TRIB2: variants seen among roughly 807,000 people sequenced by gnomAD.
TRIB2 encodes the protein tribbles homolog 2.
In TRIB2, 2 loss-of-function variants were observed where a neutral mutation model predicts 26.8. That is an observed-to-expected ratio of 0.07 (90% confidence interval 0.03 to 0.24). The LOEUF (loss-of-function observed/expected upper bound fraction) is 0.24, where lower values mean the gene tolerates loss of function less well. Among genes scored for constraint, TRIB2 ranks in the 10% least tolerant of loss-of-function variants. The pLI is 1.00. For synonymous variants in TRIB2, 189 were observed against 187.3 expected (o/e 1.01, Z -0.08); for missense variants, 306 against 449.0 (o/e 0.68, Z 2.88).
chr2:12,739,856 C>A (rs934483171), intron 2 of TRIB2, among the ~76,000 whole-genome samples: 1 of 152,132 alleles, frequency 6.6e-6, no homozygotes, highest in Non-Finnish European at 1.5e-5. Context: ...GGTGAAAGGT[C>A]TTTGTGGACT....
rs1572475764 is a variant in TRIB2, at chr2:12,717,723, G to A, written c.-585G>A. Reference sequence around the variant, plus strand: ...CCTCTCCCGCACCCCCCCCTTACACGCCCCCCACCCTTTCCACCAAAAAAA... The same window carrying A: ...CCTCTCCCGCACCCCCCCCTTACACACCCCCCACCCTTTCCACCAAAAAAA... On this transcript the variant is annotated 5_prime_UTR_variant, in exon 1 of 3. Coordinates refer to ENST00000155926, the MANE Select transcript of TRIB2 (RefSeq NM_021643.4). The surrounding 1 kb of genome is among the most constrained non-coding windows in gnomAD (Gnocchi z 4.8). The A allele has an allele frequency of 2.9e-6, 1 of 346,226 alleles. No homozygotes were observed. The highest frequency in any genetic ancestry group is 2.5e-5 in the African/African-American group (1 of 39,748). The allele number at this position is 346,226 out of a possible 1,614,324, so 21.4% of individuals were successfully genotyped here. A position where few individuals can be genotyped will look rare whatever the true frequency, so the allele number is the denominator to read the frequency against.
chr2:12,734,618 G>C (rs1236488807), intron 2 of TRIB2, among the ~76,000 whole-genome samples: 1 of 152,090 alleles, frequency 6.6e-6, no homozygotes, highest in African/African-American at 2.4e-5. Context: ...ACCATGCTAG[G>C]CTCCTCGGTA....
At chr2:12,719,798 C>T (rs973584735) in intron 1 of TRIB2, among the ~76,000 whole-genome samples, 2 of 152,082 alleles carry the variant, frequency 1.3e-5, no homozygotes, top group South Asian at 4.2e-4. Context: ...TTCAGTTCAG[C>T]CCTTAGGGGG....
At chr2:12,725,317 G>T (rs138272133) in intron 2 of TRIB2, among the ~76,000 whole-genome samples, 12 of 152,374 alleles carry the variant, frequency 7.9e-5, no homozygotes, top group African/African-American at 1.7e-4. Flanking sequence ...GAGTAGAGCA[G>T]GGTGGAGGTC....
intron 2 of TRIB2, among the ~76,000 whole-genome samples, chr2:12,731,817 T>G (rs1349501852): frequency 6.6e-6 from 1 of 152,128 alleles, no homozygotes; most frequent in Non-Finnish European, 1.5e-5. Flanking sequence ...ACCCCACACC[T>G]GGAACAAGAC....
At chr2:12,730,310 C>A (rs1272081940) in intron 2 of TRIB2, among the ~76,000 whole-genome samples, 1 of 152,216 alleles carries the variant, frequency 6.6e-6, no homozygotes, top group Non-Finnish European at 1.5e-5. Flanking sequence ...TAATGGCCAA[C>A]CAGTGGCAGA....
At chr2:12,723,831 G>A (rs537979249) in intron 2 of TRIB2, among the ~76,000 whole-genome samples, 5 of 152,324 alleles carry the variant, frequency 3.3e-5, no homozygotes, top group Non-Finnish European at 7.3e-5. Context: ...TTCCGAAGGT[G>A]GCTGCAAACC....
rs769913210 is a variant in TRIB2, at chr2:12,724,721, C to T, written c.563+1169C>T. ...GATTGGTCCTTCGTCTGTTTCCACC[C>T]TCCCCCTACCAGCCTCATATTTCTC... On this transcript the variant is annotated intron_variant, in intron 2 of 2. Transcript: ENST00000155926. The T allele has an allele frequency of 4.3e-6, 7 of 1,612,744 alleles. No homozygotes were observed. In the Admixed American group the frequency reaches 1.0e-4, roughly 23 times the overall value.
intron 2 of TRIB2, among the ~76,000 whole-genome samples, chr2:12,728,647 G>A (rs1334808880): frequency 6.6e-6 from 1 of 152,140 alleles, no homozygotes; most frequent in Non-Finnish European, 1.5e-5. Flanking sequence ...GACGTGACAG[G>A]TTTCATTTCC....
In TRIB2 at chr2:12,740,850, G is replaced by A. The variant is rs1246469465; in HGVS notation, c.*56G>A. 1 of 1,508,564 alleles carries A rather than the reference G, an allele frequency of 6.6e-7. No homozygotes were observed. Among genetic ancestry groups the A allele is most frequent in the Middle Eastern group, 1.8e-4 (1 of 5,634 alleles). 93.4% of individuals were successfully genotyped at this position (1,508,564 alleles called of 1,614,324 possible). A position where few individuals can be genotyped will look rare whatever the true frequency, so the allele number is the denominator to read the frequency against. On this transcript the variant is annotated 3_prime_UTR_variant, in exon 3 of 3. Coordinates refer to ENST00000155926, the MANE Select transcript of TRIB2 (RefSeq NM_021643.4). This position sits in a 1 kb window ranked among gnomAD's most constrained non-coding sequence, Gnocchi z 5.8. The stretch of plus-strand genomic sequence containing the variant: ...CAGGAGTGAGCGAGGGCAGCGGAAA[G>A]GAGTTCTTCCGGGGGACACGAATTG...
intron 2 of TRIB2, among the ~76,000 whole-genome samples, chr2:12,738,481 C>T (rs1661634651): frequency 6.6e-6 from 1 of 152,164 alleles, no homozygotes; most frequent in South Asian, 2.1e-4. Flanking sequence ...AACTCCTCCC[C>T]ATCCCTCCTC....
In TRIB2 at chr2:12,718,201, C is replaced by G; in HGVS notation, c.-107C>G. 1 of 1,419,236 alleles carries G rather than the reference C, an allele frequency of 7.0e-7. No individual in the cohort carries two copies. Among genetic ancestry groups the G allele is most frequent in the Non-Finnish European group, 9.4e-7 (1 of 1,061,624 alleles). 87.9% of individuals were successfully genotyped at this position (1,419,236 alleles called of 1,614,324 possible). On this transcript the variant is annotated 5_prime_UTR_variant, in exon 1 of 3. Coordinates refer to ENST00000155926, the MANE Select transcript of TRIB2 (RefSeq NM_021643.4). This position sits in a 1 kb window ranked among gnomAD's most constrained non-coding sequence, Gnocchi z 4.0. ...GCCCCTCTTCTGTCCCCTCCCCTCT[C>G]GCTCCCTTTTAAAATCAGTGGCACC...
chr2:12,720,853 T>C (rs187762607), intron 1 of TRIB2, among the ~76,000 whole-genome samples: 2 of 152,364 alleles, frequency 1.3e-5, no homozygotes, highest in African/African-American at 2.4e-5. Flanking sequence ...AAGGAGTCTT[T>C]AACTGTATGT....
rs1666626547 is a variant in TRIB2, at chr2:12,717,784, C to G, written c.-524C>G. On this transcript the variant is annotated 5_prime_UTR_variant, in exon 1 of 3. Transcript: ENST00000155926. This position sits in a 1 kb window ranked among gnomAD's most constrained non-coding sequence, Gnocchi z 4.8. ...CGCGGATTCTGGCTGCCGTGCGTCG[C>G]CAGCCGGTAGACCCGTGCTTGTTTC... 4 of 324,866 alleles carry G rather than the reference C, an allele frequency of 1.2e-5. No individual in the cohort carries two copies. The highest frequency in any genetic ancestry group is 2.1e-5 in the African/African-American group (1 of 46,908). 20.1% of individuals were successfully genotyped at this position (324,866 alleles called of 1,614,324 possible).
chr2:12,725,935 T>A (rs1040912744), intron 2 of TRIB2, among the ~76,000 whole-genome samples: 1 of 152,182 alleles, frequency 6.6e-6, no homozygotes, highest in African/African-American at 2.4e-5. Context: ...TGAGAACTCC[T>A]CCATCTGATC....
intron 2 of TRIB2, among the ~76,000 whole-genome samples, chr2:12,726,211 T>C (rs1462425989): frequency 6.6e-6 from 1 of 152,258 alleles, no homozygotes; most frequent in Non-Finnish European, 1.5e-5. Context: ...TTTGTTTTTC[T>C]AAAATCCAAC....
chr2:12,724,838 G>A, intron 2 of TRIB2: 1 of 1,610,102 alleles, frequency 6.2e-7, no homozygotes. Context: ...TTCTCATTTA[G>A]AAGATGAATA....
rs753976189 is a variant in TRIB2 at position 12,721,824 on chromosome 2, G to A, written c.271-1436G>A. On this transcript the variant is annotated intron_variant, in intron 1 of 2. Coordinates refer to ENST00000155926, the MANE Select transcript of TRIB2 (RefSeq NM_021643.4). ...CTCACAGATTTTGTTTCAATTTTTT[G>A]AAGCTTAGAGCAACTTAACTCATGG... is the stretch of plus-strand genomic sequence containing the variant. Among the ~76,000 whole-genome samples the A allele has an allele frequency of 3.0e-4, 46 of 152,148 alleles. 1 individual carries two copies. The highest frequency in any genetic ancestry group is 5.9e-4 in the Non-Finnish European group (40 of 68,034).
chr2:12,740,561 C>A lies in TRIB2; in HGVS notation c.799C>A (p.Arg267=). ...IEPSSLFSKI[R]RGQFNIPETL... is the part of the protein sequence containing the mutation. ...ACCCAGCTCCCTCTTCAGCAAGATC[C>A]GGCGTGGCCAGTTCAACATTCCAGA... The change falls in exon 3 of 3, where the codon CGG becomes AGG. Residue 267 remains arginine (R), a synonymous_variant. Coordinates refer to ENST00000155926, the MANE Select transcript of TRIB2 (RefSeq NM_021643.4). The surrounding 1 kb of genome is among the most constrained non-coding windows in gnomAD (Gnocchi z 5.8). The A allele has an allele frequency of 1.2e-6, 2 of 1,614,148 alleles. No individual in the cohort carries two copies. Among genetic ancestry groups the A allele is most frequent in the Non-Finnish European group, 1.7e-6 (2 of 1,180,026 alleles).
Sources: allele counts gnomAD v4.1 joint callset (sites outside exome capture counted in the v4.1 genomes callset), GRCh38; gene constraint gnomAD v4.1.1; non-coding constraint Gnocchi (gnomAD v3.1); transcripts MANE v1.5; gene names NCBI Gene and HGNC (gene_info 2026-07-23, HGNC 2026-07-21).